SLC4A4: variants seen among roughly 807,000 people sequenced by gnomAD.
SLC4A4 encodes solute carrier family 4 member 4.
SLC4A4 carries 27 observed loss-of-function variants against 111.5 expected under a neutral mutation model. That is an observed-to-expected ratio of 0.24 (90% CI 0.18 to 0.33). The LOEUF (loss-of-function observed/expected upper bound fraction) is 0.33. SLC4A4 is among the 10% of genes least tolerant of loss of function. The probability of loss-of-function intolerance (pLI) is 1.00; values close to 1 mark genes in which losing one functional copy is unlikely to be tolerated. For synonymous variants in SLC4A4, 443 were observed against 463.4 expected, an observed-to-expected ratio of 0.96 and a Z score of 0.57; for missense variants, 909 against 1,315.5, an observed-to-expected ratio of 0.69 and a Z score of 4.78.
chr4:71,474,906 C>T (rs373857024), intron 14 of SLC4A4, among the ~76,000 whole-genome samples: 1 of 151,680 alleles, frequency 6.6e-6, no homozygotes, highest in East Asian at 2.0e-4. Flanking sequence ...ATTAAATGTG[C>T]TCCCCAGAGA....
chr4:71,255,747 C>T (rs976825664), intron 3 of SLC4A4, among the ~76,000 whole-genome samples: 2 of 152,084 alleles, frequency 1.3e-5, no homozygotes, highest in African/African-American at 4.8e-5. Context: ...ATGGTTTATG[C>T]TTAGAAATAG....
At chr4:71,288,825 A>C (rs1724115312) in intron 3 of SLC4A4, among the ~76,000 whole-genome samples, 2 of 152,216 alleles carry the variant, frequency 1.3e-5, no homozygotes, top group South Asian at 4.1e-4. Flanking sequence ...AATGATATGT[A>C]GAAGTCTGTG....
At chr4:71,211,715 T>C (rs1268379169) in intron 1 of SLC4A4, among the ~76,000 whole-genome samples, 1 of 152,046 alleles carries the variant, frequency 6.6e-6, no homozygotes, top group Admixed American at 6.6e-5. Flanking sequence ...TTTAAAGTCA[T>C]GTCCCCCATA....
chr4:71,468,362 A>G (rs1450054692), intron 13 of SLC4A4, among the ~76,000 whole-genome samples: 1 of 152,138 alleles, frequency 6.6e-6, no homozygotes, highest in East Asian at 1.9e-4. Context: ...AAATGTGATC[A>G]GAGCCTTAAT....
chr4:71,324,967 T>C (rs1727397645), intron 3 of SLC4A4, among the ~76,000 whole-genome samples: 5 of 152,016 alleles, frequency 3.3e-5, no homozygotes, highest in Admixed American at 3.3e-4. Flanking sequence ...ATATTAAGGA[T>C]AATTTGTGAT....
intron 7 of SLC4A4, among the ~76,000 whole-genome samples, chr4:71,406,655 T>C (rs1295580708): frequency 2.6e-5 from 4 of 151,674 alleles, no homozygotes; most frequent in African/African-American, 9.7e-5. Context: ...CTTTTTTTTT[T>C]TTTTTTGCCA....
chr4:71,181,316 G>A (rs1578558751), intron 2 of SLC4A4, among the ~76,000 whole-genome samples: 1 of 152,158 alleles, frequency 6.6e-6, no homozygotes, highest in East Asian at 1.9e-4. Flanking sequence ...GTATACAGAT[G>A]TAACTAACCT....
At chr4:71,080,454 A>G (rs771092919) in intron 1 of SLC4A4, among the ~76,000 whole-genome samples, 4 of 152,006 alleles carry the variant, frequency 2.6e-5, no homozygotes, top group Admixed American at 1.3e-4. Context: ...CAATAAACCA[A>G]TTGGCTAAAA....
At chr4:71,415,790 C>T (rs141894750) in intron 7 of SLC4A4, among the ~76,000 whole-genome samples, 4 of 152,278 alleles carry the variant, frequency 2.6e-5, no homozygotes, top group African/African-American at 9.6e-5. Flanking sequence ...TTTCTCAAAT[C>T]TGTCTTCAAC....
rs1463248830 is a variant in SLC4A4 at position 71,250,456 on chromosome 4, G to A, written c.74-4764G>A. On this transcript the variant is annotated intron_variant, in intron 2 of 25. Coordinates refer to ENST00000264485, the MANE Select transcript of SLC4A4 (RefSeq NM_001098484.3). ...TGTATGTAAGAGGCTGGAGGTAGGG[G>A]ATGGATGGTGGGAGGTGGGGAAAGG... Among the ~76,000 whole-genome samples the A allele has an allele frequency of 5.9e-5, 9 of 152,304 alleles. No homozygotes were observed. The East Asian group carries it at 1.7e-3, about 29-fold the overall frequency.
chr4:71,258,217 CT>C (rs1242741331), intron 3 of SLC4A4, among the ~76,000 whole-genome samples: 1 of 152,194 alleles, frequency 6.6e-6, no homozygotes, highest in Non-Finnish European at 1.5e-5. Context: ...GTGCTAAAAC[CT>C]TTTCTGCCTC....
chr4:71,355,202 A>C (rs1478643530), intron 5 of SLC4A4, among the ~76,000 whole-genome samples: 1 of 152,208 alleles, frequency 6.6e-6, no homozygotes, highest in Non-Finnish European at 1.5e-5. Context: ...GAATAGAGGG[A>C]GGCCCTGCCA....
chr4:71,556,004 G>A (rs186095218), intron 21 of SLC4A4, among the ~76,000 whole-genome samples: 2 of 152,012 alleles, frequency 1.3e-5, no homozygotes, highest in African/African-American at 4.8e-5. Flanking sequence ...GCCTTATTTA[G>A]CACTTAGTAA....
intron 2 of SLC4A4, among the ~76,000 whole-genome samples, chr4:71,170,527 A>G: frequency 6.6e-6 from 1 of 152,248 alleles, no homozygotes; most frequent in East Asian, 1.9e-4. Context: ...AATATTACCT[A>G]TCAAGGGGGC....
At chr4:71,223,444 T>G (rs1262590630) in intron 1 of SLC4A4, among the ~76,000 whole-genome samples, 1 of 152,174 alleles carries the variant, frequency 6.6e-6, no homozygotes, top group Non-Finnish European at 1.5e-5. Context: ...TTTACAGGCG[T>G]GAGCCACCGT....
At position 71,491,186 on chromosome 4, in the gene SLC4A4, G is replaced by C. The variant is rs16846457; in HGVS notation, c.1974+4168G>C. Among the ~76,000 whole-genome samples, 777 of 151,922 alleles carry C rather than the reference G, an allele frequency of 5.1e-3. 6 individuals are homozygous for C. Among genetic ancestry groups the C allele is most frequent in the African/African-American group, 0.017 (714 of 41,476 alleles). On this transcript the variant is annotated intron_variant, in intron 15 of 25. Transcript: ENST00000264485. ...TGTAACTCAAATGCATGCTGTAGAT[G>C]ATAAGGTAAGATTTCAGATTACTGC... is the stretch of plus-strand genomic sequence containing the variant.
chr4:71,412,946 C>A (rs1721493326), intron 7 of SLC4A4, among the ~76,000 whole-genome samples: 1 of 152,142 alleles, frequency 6.6e-6, no homozygotes, highest in Non-Finnish European at 1.5e-5. Context: ...GACCTTAGAA[C>A]AAAGGAGTGA....
intron 1 of SLC4A4, among the ~76,000 whole-genome samples, chr4:71,223,713 G>A (rs1000571104): frequency 1.3e-5 from 2 of 151,854 alleles, no homozygotes; most frequent in Non-Finnish European, 2.9e-5. Flanking sequence ...TCCTTTGTAG[G>A]GTGATCTCAC....
intron 1 of SLC4A4, among the ~76,000 whole-genome samples, chr4:71,090,006 G>C (rs984241909): frequency 4.0e-5 from 6 of 150,784 alleles, no homozygotes; most frequent in African/African-American, 1.5e-4. Context: ...GGAGTCTACA[G>C]AGGCAGGCAG....
Sources: gnomAD v4.1 joint callset for allele counts (sites outside exome capture counted in the v4.1 genomes callset) on GRCh38, gnomAD v4.1.1 for gene constraint, MANE v1.5 for transcripts, NCBI Gene and HGNC (gene_info 2026-07-23, HGNC 2026-07-21) for gene names.